NUTM2E: variants seen among roughly 807,000 people sequenced by gnomAD.
NUTM2E encodes family with sequence similarity 22, member E.
In NUTM2E, 3 loss-of-function variants were observed where a neutral mutation model predicts 26.1. That is an observed-to-expected ratio of 0.12 (90% CI 0.05 to 0.30). The LOEUF is 0.30. Ranked by LOEUF, NUTM2E falls within the 10% of genes least tolerant of loss-of-function variation. NUTM2E has a pLI of 1.00. For synonymous variants in NUTM2E, 13 were observed against 157.5 expected, an observed-to-expected ratio of 0.08 and a Z score of 6.87; for missense variants, 62 against 381.3, an observed-to-expected ratio of 0.16 and a Z score of 6.97.
chr10:79,837,116 G>A, intron 1 of NUTM2E, among the ~76,000 whole-genome samples: 1 of 151,970 alleles, frequency 6.6e-6, no homozygotes, highest in Non-Finnish European at 1.5e-5. Context: ...CAGGCTCACA[G>A]TGACTTTTTC....
intron 1 of NUTM2E, among the ~76,000 whole-genome samples, chr10:79,829,810 C>T (rs1344188663): frequency 6.6e-6 from 1 of 151,498 alleles, no homozygotes; most frequent in Non-Finnish European, 1.5e-5. Context: ...TGTTGTGAAG[C>T]ACCAATGGCC....
chr10:79,831,640 C>T (rs1333525663), intron 1 of NUTM2E, among the ~76,000 whole-genome samples: 1 of 151,778 alleles, frequency 6.6e-6, no homozygotes, highest in Non-Finnish European at 1.5e-5. Flanking sequence ...ACTTTATACC[C>T]ATTATACATC....
chr10:79,827,220 C>T lies in NUTM2E; in HGVS notation c.-2865C>T, dbSNP rs1233472046. 2 of 152,384 alleles carry T rather than the reference C, an allele frequency of 1.3e-5. No homozygotes were observed. The highest frequency in any genetic ancestry group is 3.0e-5 in the Non-Finnish European group (2 of 67,532). The allele number at this position is 152,384 out of a possible 1,614,324, so 9.4% of individuals were successfully genotyped here. A position where few individuals can be genotyped will look rare whatever the true frequency, so the allele number is the denominator to read the frequency against. On this transcript the variant is annotated 5_prime_UTR_variant, in exon 1 of 10. Coordinates refer to ENST00000429984, the MANE Select transcript of NUTM2E (RefSeq NM_001355263.2). ...CATCTGTGTCTTTCGCTCTCGAGCC[C>T]CCAGCTAGAGTTGGCTTCAGCGGAA...
rs544673422 is a variant in NUTM2E, at chr10:79,849,038, T to G, written c.1734+143T>G. On this transcript the variant is annotated intron_variant, in intron 8 of 9. Coordinates refer to ENST00000429984, the MANE Select transcript of NUTM2E (RefSeq NM_001355263.2). ...GTGTCTGTGTATGTGATTGTGTGTG[T>G]CTGTGTGTTTGTGTCTGTGGTTTGT... 1.8e-4 allele frequency: 170 copies of G among 968,290 alleles called. 18 individuals are homozygous for G. In the African/African-American group the frequency reaches 2.5e-3, roughly 14 times the overall value. 60.0% of individuals were successfully genotyped at this position (968,290 alleles called of 1,614,324 possible).
rs112040725 is a variant in NUTM2E, at chr10:79,830,029, A to G, written c.-2728+2672A>G. Among the ~76,000 whole-genome samples the G allele has an allele frequency of 1.1e-3, 167 of 151,840 alleles. 1 individual carries two copies. The highest frequency in any genetic ancestry group is 3.8e-3 in the African/African-American group (158 of 41,478). On this transcript the variant is annotated intron_variant, in intron 1 of 9. Transcript: ENST00000429984. The stretch of plus-strand genomic sequence containing the variant: ...AGAAGAGGACTGGGGCATACCTTTT[A>G]AAATAATAATGATATATTTATAATC...
At chr10:79,828,667 A>G (rs1186764473) in intron 1 of NUTM2E, among the ~76,000 whole-genome samples, 1 of 151,950 alleles carries the variant, frequency 6.6e-6, no homozygotes, top group Non-Finnish European at 1.5e-5. Context: ...TTAGGATTTC[A>G]GCTCAGGAAA....
At chr10:79,830,652 A>T (rs1393402263) in intron 1 of NUTM2E, among the ~76,000 whole-genome samples, 1 of 150,242 alleles carries the variant, frequency 6.7e-6, no homozygotes, top group Non-Finnish European at 1.5e-5. Flanking sequence ...AGCTGACAAT[A>T]TATTTGTTTG....
intron 1 of NUTM2E, among the ~76,000 whole-genome samples, chr10:79,831,744 T>A (rs1281220035): frequency 6.6e-6 from 1 of 151,640 alleles, no homozygotes; most frequent in Non-Finnish European, 1.5e-5. Context: ...GAACTGAGAT[T>A]TACAAAAGAA....
chr10:79,833,563 C>G (rs1841941765), intron 1 of NUTM2E, among the ~76,000 whole-genome samples: 2 of 151,754 alleles, frequency 1.3e-5, no homozygotes, highest in South Asian at 2.1e-4. Flanking sequence ...TGAACAGACA[C>G]TTTTCAAAAG....
intron 1 of NUTM2E, among the ~76,000 whole-genome samples, chr10:79,832,184 C>T (rs1214999109): frequency 6.6e-6 from 1 of 151,924 alleles, no homozygotes; most frequent in Non-Finnish European, 1.5e-5. Flanking sequence ...GTTTTAGCAA[C>T]TGCTAACAAT....
At position 79,840,080 on chromosome 10, in the gene NUTM2E, G is replaced by C. The variant is rs978021293; in HGVS notation, c.-1661G>C. 1.2e-4 allele frequency among the ~76,000 whole-genome samples: 18 copies of C among 149,732 alleles called. No homozygotes were observed. The East Asian group carries it at 2.9e-3, about 24-fold the overall frequency. On this transcript the variant is annotated 5_prime_UTR_variant, in exon 4 of 10. Coordinates refer to ENST00000429984, the MANE Select transcript of NUTM2E (RefSeq NM_001355263.2). ...AGCCACATGTGAGAATCTTGAGAAAGCATCAGCTGACTGACTTGACAAGGG... is the reference window on the plus strand; with the variant it reads ...AGCCACATGTGAGAATCTTGAGAAACCATCAGCTGACTGACTTGACAAGGG...
chr10:79,829,664 G>A (rs987095513), intron 1 of NUTM2E, among the ~76,000 whole-genome samples: 15 of 151,988 alleles, frequency 9.9e-5, no homozygotes, highest in African/African-American at 2.9e-4. Context: ...AGTCCAATAG[G>A]AAATACGTAG....
intron 1 of NUTM2E, among the ~76,000 whole-genome samples, chr10:79,832,730 A>G (rs1309175699): frequency 5.9e-5 from 9 of 151,794 alleles, no homozygotes; most frequent in Non-Finnish European, 1.0e-4. Flanking sequence ...AAAATCATTC[A>G]AAGTAACAAA....
At chr10:79,834,007 T>C (rs1434604583) in intron 1 of NUTM2E, among the ~76,000 whole-genome samples, 2 of 151,892 alleles carry the variant, frequency 1.3e-5, no homozygotes, top group East Asian at 3.9e-4. Flanking sequence ...GTGGCACATA[T>C]ACACTGTGGA....
At chr10:79,836,961 A>G (rs1841967734) in intron 1 of NUTM2E, among the ~76,000 whole-genome samples, 1 of 151,904 alleles carries the variant, frequency 6.6e-6, no homozygotes. Context: ...AATGAATAAC[A>G]CTAGAGGAAA....
At chr10:79,837,710 C>T (rs1033731170) in intron 1 of NUTM2E, among the ~76,000 whole-genome samples, 2 of 152,018 alleles carry the variant, frequency 1.3e-5, no homozygotes, top group African/African-American at 2.4e-5. Context: ...TTGATTGATT[C>T]ATCAGTGTGT....
rs1368371231 is a variant in NUTM2E at position 79,845,263 on chromosome 10, CG to C, written c.1082+397del. Among the ~76,000 whole-genome samples the C allele has an allele frequency of 3.6e-5, 4 of 112,432 alleles. 1 individual carries two copies. The highest frequency in any genetic ancestry group is 9.1e-5 in the Non-Finnish European group (4 of 44,118). 73.8% of individuals were successfully genotyped at this position (112,432 alleles called of 152,430 possible). ...TGGCCAGGAGCACCTCACATGGGGC[CG>C]GGGGGAGGAGCTGCAGGGCCCAGCA... On this transcript the variant is annotated intron_variant, in intron 5 of 9. Transcript: ENST00000429984.
At position 79,830,014 on chromosome 10, in the gene NUTM2E, T is replaced by G. The variant is rs992592497; in HGVS notation, c.-2728+2657T>G. 4.0e-5 allele frequency among the ~76,000 whole-genome samples: 6 copies of G among 151,674 alleles called. 1 individual carries two copies. Among genetic ancestry groups the G allele is most frequent in the Non-Finnish European group, 8.8e-5 (6 of 67,902 alleles). On this transcript the variant is annotated intron_variant, in intron 1 of 9. Transcript: ENST00000429984. ...GCTTATCCAAAAGTAAGAAGAGGAC[T>G]GGGGCATACCTTTTAAAATAATAAT...
chr10:79,840,638 C>CA lies in NUTM2E; in HGVS notation c.-1102dup, dbSNP rs1193976418. On this transcript the variant is annotated 5_prime_UTR_variant, in exon 4 of 10. The change creates a premature stop within an existing upstream ORF in the 5' untranslated region. Coordinates refer to ENST00000429984, the MANE Select transcript of NUTM2E (RefSeq NM_001355263.2). Reference sequence around the variant, plus strand: ...CCACTTGCCCCTGCCCCTGCCCCTGCAGTGTGGCCGCTGTTACATTTTCCT... The same window carrying CA: ...CCACTTGCCCCTGCCCCTGCCCCTGCAAGTGTGGCCGCTGTTACATTTTCCT... Among the ~76,000 whole-genome samples, 1 of 150,724 alleles carries CA rather than the reference C, an allele frequency of 6.6e-6. No homozygotes were observed. Among genetic ancestry groups the CA allele is most frequent in the Non-Finnish European group, 1.5e-5 (1 of 67,724 alleles).
Sources: gnomAD v4.1 joint callset for allele counts (sites outside exome capture counted in the v4.1 genomes callset) on GRCh38, gnomAD v4.1.1 for gene constraint, MANE v1.5 for transcripts, NCBI Gene and HGNC (gene_info 2026-07-23, HGNC 2026-07-21) for gene names.